Variants in SNX25 observed in about 807,000 individuals in gnomAD.
The protein encoded by SNX25 is sorting nexin 25, also known as sorting nexin-25.
SNX25 carries 62 observed loss-of-function variants against 113.7 expected under a neutral mutation model. The observed-to-expected ratio is 0.55, with a 90% CI of 0.44 to 0.67. SNX25 has a LOEUF of 0.67. Among genes scored for constraint, SNX25 ranks in the 30% least tolerant of loss-of-function variants. The pLI, the probability that SNX25 is intolerant of heterozygous loss-of-function variation, is 0.00. For synonymous variants in SNX25, 421 were observed against 436.2 expected (o/e 0.97, Z 0.43); for missense variants, 1,014 against 1,161.0 (o/e 0.87, Z 1.84).
At chr4:185,271,959 T>C (rs1748992794) in intron 5 of SNX25, among the ~76,000 whole-genome samples, 2 of 152,276 alleles carry the variant, frequency 1.3e-5, no homozygotes, top group South Asian at 4.1e-4. Flanking sequence ...GGTTTTAACC[T>C]AGGCTGTATG....
chr4:185,275,895 A>G (rs1749602584), intron 5 of SNX25, among the ~76,000 whole-genome samples: 1 of 152,234 alleles, frequency 6.6e-6, no homozygotes, highest in Admixed American at 6.5e-5. Context: ...ATGAATGAAT[A>G]TAAATTTAGT....
chr4:185,360,930 A>ATATATATATATATATATAT (rs1491260048), intron 16 of SNX25, among the ~76,000 whole-genome samples: 26 of 139,618 alleles, frequency 1.9e-4, no homozygotes, highest in Admixed American at 4.2e-4. Flanking sequence ...AAAAAAAAAT[A>ATATATATATATATATATAT]ATATATATAT....
At chr4:185,272,746 G>C (rs764548757) in intron 5 of SNX25, among the ~76,000 whole-genome samples, 4 of 152,136 alleles carry the variant, frequency 2.6e-5, no homozygotes, top group Non-Finnish European at 4.4e-5. Context: ...TTGAAAACTG[G>C]TTGTACTATT....
chr4:185,324,394 G>T (rs1446466471), intron 9 of SNX25, among the ~76,000 whole-genome samples: 1 of 152,226 alleles, frequency 6.6e-6, no homozygotes, highest in African/African-American at 2.4e-5. Flanking sequence ...CCTGAGAGGG[G>T]CTTCTGGCCG....
chr4:185,334,136 C>T lies in SNX25; in HGVS notation c.1914+1377C>T, dbSNP rs1443470677. 1.3e-5 allele frequency among the ~76,000 whole-genome samples: 2 copies of T among 151,442 alleles called. No individual in the cohort carries two copies. The highest frequency in any genetic ancestry group is 2.1e-4 in the South Asian group (1 of 4,796). ...GGTGGATCACTTGAGGTCAGGAGCT[C>T]GAGGCCAGCCTGGCCAACATGATGA... On this transcript the variant is annotated intron_variant, in intron 10 of 18. Coordinates refer to ENST00000652585, the MANE Select transcript of SNX25 (RefSeq NM_001378034.2). The surrounding 1 kb of genome is among the most constrained non-coding windows in gnomAD (Gnocchi z 4.2).
rs1208297387 is a variant in SNX25, at chr4:185,215,398, T to C, written c.429+5143T>C. ...CAGAGATGTTTTTAGAGACAGACAG[T>C]AAACACATTCACACAGCAATCTACT... On this transcript the variant is annotated intron_variant, in intron 1 of 18. Transcript: ENST00000652585. Among the ~76,000 whole-genome samples the C allele has an allele frequency of 2.0e-5, 3 of 152,192 alleles. No individual in the cohort carries two copies. The East Asian group carries it at 5.8e-4, about 29-fold the overall frequency.
Position 185,332,757 on chromosome 4 carries a change from A to C in SNX25, c.1912A>C (p.Lys638Gln). Residue 638 changes from lysine (K) to glutamine (Q), a missense_variant and splice_region_variant, in exon 10 of 19, where the codon AAG (lysine) becomes CAG (glutamine). Coordinates refer to ENST00000652585, the MANE Select transcript of SNX25 (RefSeq NM_001378034.2). ...SIQNAPKPDK[K>Q]IVSKLKDEII... ...TCAAAATGCACCAAAACCTGACAAG[A>C]AGGTAACTCTTTGCTTTCAAGGTTG... 1 of 1,612,622 alleles carries C rather than the reference A, an allele frequency of 6.2e-7. No homozygotes were observed. Among genetic ancestry groups the C allele is most frequent in the South Asian group, 1.1e-5 (1 of 90,934 alleles).
At chr4:185,251,290 C>T (rs1289330188) in intron 2 of SNX25, among the ~76,000 whole-genome samples, 1 of 152,124 alleles carries the variant, frequency 6.6e-6, no homozygotes, top group East Asian at 1.9e-4. Flanking sequence ...CCCCCGCACC[C>T]GGCCTTAGTT....
chr4:185,347,067 A>G (rs563671952), intron 13 of SNX25, among the ~76,000 whole-genome samples: 1 of 152,246 alleles, frequency 6.6e-6, no homozygotes, highest in Non-Finnish European at 1.5e-5. Flanking sequence ...CATTATGTTC[A>G]TAGGACTCAT....
At chr4:185,209,454 C>G (rs1425240955), upstream of SNX25, 2 of 152,272 alleles carry the variant, frequency 1.3e-5, no homozygotes, top group Non-Finnish European at 2.9e-5. The surrounding 1 kb of genome is among the most constrained non-coding windows in gnomAD (Gnocchi z 5.2). Context: ...GCCCTCTCCC[C>G]GTGGGGCCCC....
At chr4:185,280,381 T>TA (rs1290089620) in intron 5 of SNX25, among the ~76,000 whole-genome samples, 1 of 152,190 alleles carries the variant, frequency 6.6e-6, no homozygotes, top group Non-Finnish European at 1.5e-5. Context: ...TATAAATTAA[T>TA]AAAAAACACT....
chr4:185,259,656 G>T (rs542294319), intron 3 of SNX25, among the ~76,000 whole-genome samples: 119 of 152,244 alleles, frequency 7.8e-4, no homozygotes, highest in African/African-American at 2.7e-3. Flanking sequence ...TATGAAAGTA[G>T]CTAATATTTA....
intron 1 of SNX25, among the ~76,000 whole-genome samples, chr4:185,211,195 T>G (rs1737731093): frequency 6.6e-6 from 1 of 152,204 alleles, no homozygotes; most frequent in Non-Finnish European, 1.5e-5. Flanking sequence ...GCTCACTCCT[T>G]TATTTTAAAA....
At chr4:185,241,697 C>G (rs370308030) in intron 1 of SNX25, among the ~76,000 whole-genome samples, 1 of 151,836 alleles carries the variant, frequency 6.6e-6, no homozygotes, top group Non-Finnish European at 1.5e-5. Context: ...AGTAGAGTAC[C>G]CTGTCCTCGT....
intron 15 of SNX25, among the ~76,000 whole-genome samples, chr4:185,356,402 G>A (rs2095339382): frequency 6.6e-6 from 1 of 152,142 alleles, no homozygotes; most frequent in Non-Finnish European, 1.5e-5. Context: ...GCCCTAGAAA[G>A]ACAAAGTGAA....
chr4:185,212,485 G>GTTT lies in SNX25; in HGVS notation c.429+2231_429+2232insTTT, dbSNP rs752474119. 1.7e-3 allele frequency among the ~76,000 whole-genome samples: 80 copies of GTTT among 48,316 alleles called. 5 individuals are homozygous for GTTT. The highest frequency in any genetic ancestry group is 2.5e-3 in the Non-Finnish European group (58 of 22,904). 31.7% of individuals were successfully genotyped at this position (48,316 alleles called of 152,430 possible). On this transcript the variant is annotated intron_variant, in intron 1 of 18. Transcript: ENST00000652585. Reference sequence around the variant, plus strand: ...GTGATGTGTGTGTGTGTGTGTGTGTGTGTGTGTTTTTTTTTTTTTTTGCTT... The same window carrying GTTT: ...GTGATGTGTGTGTGTGTGTGTGTGTGTTTTGTGTGTTTTTTTTTTTTTTTGCTT...
At chr4:185,223,863 A>G (rs901313700) in intron 1 of SNX25, among the ~76,000 whole-genome samples, 7 of 152,104 alleles carry the variant, frequency 4.6e-5, no homozygotes, top group Admixed American at 3.3e-4. Flanking sequence ...ATATTTTGTC[A>G]TTTTTCAGTT....
At chr4:185,342,355 G>A (rs2095263998) in intron 12 of SNX25, among the ~76,000 whole-genome samples, 1 of 152,230 alleles carries the variant, frequency 6.6e-6, no homozygotes, top group South Asian at 2.1e-4. Flanking sequence ...AGAGCTGGAA[G>A]AGACCTAAGG....
chr4:185,342,080 C>T lies in SNX25; in HGVS notation c.2151C>T (p.Leu717=), dbSNP rs2095262769. The change falls in exon 12 of 19, where the codon CTC becomes CTT. Residue 717 remains leucine (L), a synonymous_variant. Transcript: ENST00000652585. ...AGAACTGGACGGTCCCCAGAAGGCT[C>T]AGCGAGTTTCAGAATTTACACCGGA... ...ETKNWTVPRR[L]SEFQNLHRKL... is the part of the protein sequence containing the mutation. 1 of 1,605,800 alleles carries T rather than the reference C, an allele frequency of 6.2e-7. No individual in the cohort carries two copies. Among genetic ancestry groups the T allele is most frequent in the South Asian group, 1.1e-5 (1 of 89,250 alleles).
Sources: gnomAD v4.1 joint callset for allele counts (sites outside exome capture counted in the v4.1 genomes callset) on GRCh38, gnomAD v4.1.1 for gene constraint, Gnocchi (gnomAD v3.1) non-coding constraint, MANE v1.5 for transcripts, NCBI Gene and HGNC (gene_info 2026-07-23, HGNC 2026-07-21) for gene names.